Variants in GTF2IRD1 observed in about 807,000 individuals in gnomAD.
The protein encoded by GTF2IRD1 is general transcription factor II-I repeat domain-containing protein 1.
A neutral mutation model predicts 113.2 loss-of-function variants in GTF2IRD1; 26 were observed. The observed-to-expected ratio is 0.23, with a 90% CI of 0.17 to 0.32. The LOEUF (loss-of-function observed/expected upper bound fraction) is 0.32, where lower values mean the gene tolerates loss of function less well. Ranked by LOEUF, GTF2IRD1 falls within the 10% of genes least tolerant of loss-of-function variation. The probability of loss-of-function intolerance (pLI) is 1.00; values close to 1 mark genes in which losing one functional copy is unlikely to be tolerated. For missense variants in GTF2IRD1, 864 were observed against 1,280.8 expected (o/e 0.67, Z 4.97); for synonymous variants, 484 against 529.1 (o/e 0.91, Z 1.17).
intron 20 of GTF2IRD1, among the ~76,000 whole-genome samples, chr7:74,558,048 T>C (rs1211467352): frequency 2.0e-5 from 3 of 151,826 alleles, no homozygotes; most frequent in Non-Finnish European, 2.9e-5. Context: ...CTGAGGCAGG[T>C]GGATCACTTG....
intron 2 of GTF2IRD1, among the ~76,000 whole-genome samples, chr7:74,509,877 A>C (rs896800645): frequency 1.3e-5 from 2 of 152,036 alleles, no homozygotes; most frequent in Admixed American, 6.6e-5. Flanking sequence ...GGGTTTCACC[A>C]TGTTGGCCAG....
intron 1 of GTF2IRD1, among the ~76,000 whole-genome samples, chr7:74,469,689 G>T (rs1793969780): frequency 6.6e-6 from 1 of 152,012 alleles, no homozygotes; most frequent in African/African-American, 2.4e-5. Context: ...GACATATGGG[G>T]TGTTTCTACT....
chr7:74,493,402 C>T (rs1050354152), intron 1 of GTF2IRD1, among the ~76,000 whole-genome samples: 9 of 151,854 alleles, frequency 5.9e-5, no homozygotes, highest in African/African-American at 1.2e-4. Flanking sequence ...TGAGCTACCG[C>T]GCCCGGCCAT....
chr7:74,461,416 A>G (rs897903381), intron 1 of GTF2IRD1, among the ~76,000 whole-genome samples: 8 of 151,996 alleles, frequency 5.3e-5, no homozygotes, highest in African/African-American at 1.9e-4. Flanking sequence ...TTTTCTGGCT[A>G]CTGGCAGAAC....
intron 1 of GTF2IRD1, among the ~76,000 whole-genome samples, chr7:74,479,529 G>A (rs1024812819): frequency 9.2e-5 from 14 of 152,040 alleles, no homozygotes; most frequent in African/African-American, 2.7e-4. Context: ...CAGGGAAGGC[G>A]CCTCCCTTGT....
intron 22 of GTF2IRD1, among the ~76,000 whole-genome samples, chr7:74,577,154 C>T (rs1801123323): frequency 6.6e-6 from 1 of 152,138 alleles, no homozygotes; most frequent in South Asian, 2.1e-4. Context: ...TCTCCTGCCT[C>T]AGCCTCCTGA....
chr7:74,462,944 AGGGC>A (rs1554329781), intron 1 of GTF2IRD1, among the ~76,000 whole-genome samples: 4 of 152,172 alleles, frequency 2.6e-5, no homozygotes, highest in African/African-American at 9.7e-5. Flanking sequence ...CTGGAGGTTG[AGGGC>A]GGTGCCAGGG....
intron 8 of GTF2IRD1, among the ~76,000 whole-genome samples, chr7:74,524,461 A>G (rs947656645): frequency 1.3e-5 from 2 of 152,172 alleles, no homozygotes; most frequent in Non-Finnish European, 1.5e-5. Context: ...GCAGTGGCTC[A>G]TGCCTGTCAT....
At chr7:74,454,923 C>T (rs1554326796) in intron 1 of GTF2IRD1, among the ~76,000 whole-genome samples, 2 of 151,932 alleles carry the variant, frequency 1.3e-5, no homozygotes, top group African/African-American at 4.9e-5. Flanking sequence ...TCCTAAGTAC[C>T]CTGGGCATGA....
At chr7:74,526,843 C>A (rs782246644) in intron 8 of GTF2IRD1, among the ~76,000 whole-genome samples, 1 of 152,168 alleles carries the variant, frequency 6.6e-6, no homozygotes, top group East Asian at 1.9e-4. Context: ...GTTGAGATTT[C>A]GAAGGTTTCA....
At chr7:74,475,421 A>G (rs1209129652) in intron 1 of GTF2IRD1, among the ~76,000 whole-genome samples, 1 of 152,150 alleles carries the variant, frequency 6.6e-6, no homozygotes, top group African/African-American at 2.4e-5. Flanking sequence ...CCAGCATCAC[A>G]CAGCCACTCG....
chr7:74,554,542 CTT>C (rs1198271245), intron 17 of GTF2IRD1, among the ~76,000 whole-genome samples: 1 of 152,084 alleles, frequency 6.6e-6, no homozygotes, highest in Non-Finnish European at 1.5e-5. Flanking sequence ...TGTTTCTACT[CTT>C]TTCTTTCATT....
At chr7:74,557,756 C>T (rs782293872) in intron 20 of GTF2IRD1, 34 bp downstream of exon 20, 57 of 1,346,792 alleles carry the variant, frequency 4.2e-5, no homozygotes, top group Non-Finnish European at 5.7e-5. Context: ...GAGGGACACG[C>T]AGCTGCTGTG....
chr7:74,591,163 A>G (rs1266979592), intron 24 of GTF2IRD1, 146 bp downstream of exon 24: 1 of 442,324 alleles, frequency 2.3e-6, no homozygotes, highest in Non-Finnish European at 4.0e-6. Flanking sequence ...TACAACTTCA[A>G]CAGTCATGGA....
intron 22 of GTF2IRD1, among the ~76,000 whole-genome samples, chr7:74,582,268 A>T (rs1200440584): frequency 6.6e-6 from 1 of 152,204 alleles, no homozygotes; most frequent in Non-Finnish European, 1.5e-5. Context: ...AGGTCCCCAG[A>T]CACGGCAGGG....
At chr7:74,544,607 G>A (rs1798817816) in intron 14 of GTF2IRD1, 148 bp from the exon 15 acceptor site, 6 of 664,334 alleles carry the variant, frequency 9.0e-6, no homozygotes, top group Admixed American at 2.6e-5. Context: ...GTATGGAATC[G>A]GGGTCCCTGA....
intron 1 of GTF2IRD1, among the ~76,000 whole-genome samples, chr7:74,496,176 T>G (rs1434482182): frequency 6.6e-6 from 1 of 151,924 alleles, no homozygotes; most frequent in Non-Finnish European, 1.5e-5. Context: ...TATGTGTGTA[T>G]GCATGTGAGT....
chr7:74,468,690 GTGTGTGTGTGTGT>G (rs1793895886), intron 1 of GTF2IRD1, among the ~76,000 whole-genome samples: 1 of 77,068 alleles, frequency 1.3e-5, no homozygotes, highest in African/African-American at 4.1e-5. Context: ...GTGTGTGTGT[GTGTGTGTGTGTGT>G]GTGTGTGTGT....
chr7:74,555,108 G>A lies in GTF2IRD1; in HGVS notation c.1917-66G>A. On this transcript the variant is annotated intron_variant, in intron 17 of 26. Coordinates refer to ENST00000424337, the MANE Select transcript of GTF2IRD1 (RefSeq NM_005685.4). The surrounding 1 kb of genome is among the most constrained non-coding windows in gnomAD (Gnocchi z 5.3). ...GGCTGTGTAGACTGAGGCCCAGAGA[G>A]GAGGGCTGAGCAGTCCCAGAGATGC... 3 of 1,444,210 alleles carry A rather than the reference G, an allele frequency of 2.1e-6. No homozygotes were observed. Among genetic ancestry groups the A allele is most frequent in the South Asian group, 1.2e-5 (1 of 83,430 alleles). 89.5% of individuals were successfully genotyped at this position (1,444,210 alleles called of 1,614,324 possible). A position where few individuals can be genotyped will look rare whatever the true frequency, so the allele number is the denominator to read the frequency against.
Sources: gnomAD v4.1 joint callset for allele counts (sites outside exome capture counted in the v4.1 genomes callset) on GRCh38, gnomAD v4.1.1 for gene constraint, Gnocchi (gnomAD v3.1) non-coding constraint, MANE v1.5 for transcripts, NCBI Gene and HGNC (gene_info 2026-07-23, HGNC 2026-07-21) for gene names.